FBLN1: variants seen among roughly 807,000 people sequenced by gnomAD.
FBLN1 encodes the protein fibulin 1.
Under a neutral mutation model 89.7 loss-of-function variants are expected in FBLN1, and 34 were observed. The observed-to-expected ratio is 0.38, with a 90% CI of 0.29 to 0.50. FBLN1 has a LOEUF of 0.50. Among genes scored for constraint, FBLN1 ranks in the 20% least tolerant of loss-of-function variants. The pLI is 0.92. For missense variants in FBLN1, 777 were observed against 988.1 expected (o/e 0.79, Z 2.86); for synonymous variants, 393 against 391.3 (o/e 1.00, Z -0.05).
chr22:45,524,048 C>T (rs1052250533), intron 2 of FBLN1, among the ~76,000 whole-genome samples: 1 of 152,260 alleles, frequency 6.6e-6, no homozygotes, highest in Non-Finnish European at 1.5e-5. Context: ...CCACCGAAAG[C>T]ATGAGTGAAA....
chr22:45,524,491 G>A (rs1237265575), intron 2 of FBLN1, among the ~76,000 whole-genome samples: 10 of 152,200 alleles, frequency 6.6e-5, no homozygotes, highest in Non-Finnish European at 1.3e-4. Flanking sequence ...TTTGCAGCTA[G>A]GTGCCACTGC....
Position 45,575,571 on chromosome 22 carries a change from C to T in FBLN1, c.1840+918C>T, listed in dbSNP as rs985295817. 7.9e-5 allele frequency among the ~76,000 whole-genome samples: 12 copies of T among 152,104 alleles called. No homozygotes were observed. Among genetic ancestry groups the T allele is most frequent in the African/African-American group, 2.9e-4 (12 of 41,398 alleles). On this transcript the variant is annotated intron_variant, in intron 15 of 16. Coordinates refer to ENST00000327858, the MANE Select transcript of FBLN1 (RefSeq NM_006486.3). The surrounding 1 kb of genome is among the most constrained non-coding windows in gnomAD (Gnocchi z 6.3). Reference sequence around the variant, plus strand: ...CATATAGAAACATCATCCTGTTGATCCAGGGCCAGGTGAACTGGAGGGGCC... The same window carrying T: ...CATATAGAAACATCATCCTGTTGATTCAGGGCCAGGTGAACTGGAGGGGCC...
chr22:45,598,621 C>A lies in FBLN1; in HGVS notation c.1973-1686C>A, dbSNP rs977507265. 6.6e-5 allele frequency among the ~76,000 whole-genome samples: 10 copies of A among 152,356 alleles called. No homozygotes were observed. In the East Asian group the frequency reaches 1.7e-3, roughly 26 times the overall value. On this transcript the variant is annotated intron_variant, in intron 16 of 16. Coordinates refer to ENST00000327858, the MANE Select transcript of FBLN1 (RefSeq NM_006486.3). Reference sequence around the variant, plus strand: ...TCGCCCCCGCTGGACAATGCACACCCTCCATCAGAGCGTGGTGCATACCTT... The same window carrying A: ...TCGCCCCCGCTGGACAATGCACACCATCCATCAGAGCGTGGTGCATACCTT...
chr22:45,521,424 C>A (rs151234853), intron 2 of FBLN1, among the ~76,000 whole-genome samples: 1 of 152,160 alleles, frequency 6.6e-6, no homozygotes, highest in Non-Finnish European at 1.5e-5. Context: ...TCCCAGTGGA[C>A]ACACAGGCCA....
intron 16 of FBLN1, among the ~76,000 whole-genome samples, chr22:45,585,061 A>C (rs1236162106): frequency 2.6e-5 from 4 of 152,228 alleles, no homozygotes; most frequent in African/African-American, 7.2e-5. Context: ...GAGTTCCCAC[A>C]GCTGAAAGTG....
chr22:45,596,819 TTATATA>T (rs2089191239), intron 16 of FBLN1, among the ~76,000 whole-genome samples: 1 of 126,162 alleles, frequency 7.9e-6, no homozygotes, highest in Non-Finnish European at 1.5e-5. Context: ...GTAAATATAA[TTATATA>T]ATAATTATAT....
intron 1 of FBLN1, among the ~76,000 whole-genome samples, chr22:45,507,753 C>T (rs2088042041): frequency 6.6e-6 from 1 of 152,174 alleles, no homozygotes; most frequent in South Asian, 2.1e-4. Context: ...GTCTTGAACT[C>T]CTGACCTCAA....
At position 45,588,989 on chromosome 22, in the gene FBLN1, C is replaced by A. The variant is rs1356246545; in HGVS notation, c.1973-11318C>A. ...ATTCCATCTGTGGCCAAGGCTATCA[C>A]AGTCCTCAAATTAACAGCAAACCCC... is the stretch of plus-strand genomic sequence containing the variant. On this transcript the variant is annotated intron_variant, in intron 16 of 16. Transcript: ENST00000327858. This position sits in a 1 kb window ranked among gnomAD's most constrained non-coding sequence, Gnocchi z 5.1. 6.6e-6 allele frequency among the ~76,000 whole-genome samples: 1 copy of A among 151,204 alleles called. No homozygotes were observed. The highest frequency in any genetic ancestry group is 2.4e-5 in the African/African-American group (1 of 41,234).
In FBLN1 at chr22:45,562,375, A is replaced by G. The variant is rs1243658956; in HGVS notation, c.1697+11760A>G. Among the ~76,000 whole-genome samples the G allele has an allele frequency of 2.0e-5, 3 of 152,218 alleles. No homozygotes were observed. The highest frequency in any genetic ancestry group is 2.9e-5 in the Non-Finnish European group (2 of 68,040). ...GAAGGCCACATTCTCTCTGAGCCTC[A>G]GTGTCCTCATGTGAAAAATATCACC... is the stretch of plus-strand genomic sequence containing the variant. On this transcript the variant is annotated intron_variant, in intron 14 of 16. Coordinates refer to ENST00000327858, the MANE Select transcript of FBLN1 (RefSeq NM_006486.3). The surrounding 1 kb of genome is among the most constrained non-coding windows in gnomAD (Gnocchi z 7.8).
intron 8 of FBLN1, among the ~76,000 whole-genome samples, chr22:45,538,148 G>A (rs922649171): frequency 6.6e-6 from 1 of 152,222 alleles, no homozygotes; most frequent in Non-Finnish European, 1.5e-5. Context: ...GCTGTTCCGT[G>A]CCATCTCCCT....
chr22:45,503,246 A>T, intron 1 of FBLN1, 182 bp downstream of exon 1: 1 of 337,828 alleles, frequency 3.0e-6, no homozygotes. Context: ...TCCGGTCCTC[A>T]TCTCCTCCCC....
rs2088982628 is a variant in FBLN1 at position 45,574,910 on chromosome 22, T to C, written c.1840+257T>C. On this transcript the variant is annotated intron_variant, in intron 15 of 16. Transcript: ENST00000327858. The surrounding 1 kb of genome is among the most constrained non-coding windows in gnomAD (Gnocchi z 4.1). ...CATTCTCCTGCCTCAGCCTTCCGAG[T>C]AGCTGGGACTACAGGCGCCCGCCAC... Among the ~76,000 whole-genome samples the C allele has an allele frequency of 6.6e-6, 1 of 151,196 alleles. No homozygotes were observed. Among genetic ancestry groups the C allele is most frequent in the Non-Finnish European group, 1.5e-5 (1 of 67,928 alleles).
chr22:45,503,302 A>G (rs1188051811), intron 1 of FBLN1: 2 of 272,694 alleles, frequency 7.3e-6, no homozygotes, highest in Non-Finnish European at 6.8e-6. Context: ...CCCCTCAAAC[A>G]CACCGTCCTA....
chr22:45,588,135 G>A lies in FBLN1; in HGVS notation c.1972+11027G>A, dbSNP rs975884193. ...TGAGGGCTGTGCAGAGCAGGGGAGG[G>A]GAGTGGGAGGCGGGGTGCAGCATGG... On this transcript the variant is annotated intron_variant, in intron 16 of 16. Coordinates refer to ENST00000327858, the MANE Select transcript of FBLN1 (RefSeq NM_006486.3). This position sits in a 1 kb window ranked among gnomAD's most constrained non-coding sequence, Gnocchi z 5.1. 6.6e-6 allele frequency among the ~76,000 whole-genome samples: 1 copy of A among 152,212 alleles called. No homozygotes were observed. The highest frequency in any genetic ancestry group is 2.4e-5 in the African/African-American group (1 of 41,456).
chr22:45,533,009 A>T, intron 5 of FBLN1, 54 bp from the exon 6 acceptor site: 1 of 1,524,378 alleles, frequency 6.6e-7, no homozygotes, highest in Non-Finnish European at 9.1e-7. Flanking sequence ...GGAGCTAGAA[A>T]CCAGGCGGTG....
At chr22:45,525,191 GA>G (rs2088307528) in intron 2 of FBLN1, among the ~76,000 whole-genome samples, 1 of 142,924 alleles carries the variant, frequency 7.0e-6, no homozygotes, top group East Asian at 2.7e-4. Flanking sequence ...GAGAGAGAGA[GA>G]GAGAAAGAGA....
chr22:45,523,252 G>C (rs1435521911), intron 2 of FBLN1: 2 of 731,304 alleles, frequency 2.7e-6, no homozygotes. Flanking sequence ...GCCAGCAACG[G>C]CCAGTCCCAG....
intron 14 of FBLN1, among the ~76,000 whole-genome samples, chr22:45,553,386 A>AG (rs1339934723): frequency 4.0e-5 from 6 of 151,776 alleles, no homozygotes; most frequent in South Asian, 4.2e-4. Context: ...CCTGCGTGGC[A>AG]GGGGGGGACG....
Position 45,550,925 on chromosome 22 carries a change from TG to T in FBLN1, c.1697+313del. On this transcript the variant is annotated intron_variant, in intron 14 of 16. Transcript: ENST00000327858. This position sits in a 1 kb window ranked among gnomAD's most constrained non-coding sequence, Gnocchi z 8.4. ...GGGTGGAAGCCTTGGGCAAGCTCTC[TG>T]GGCCTCAGTTTCCTCATCTGTAACA... The T allele has an allele frequency of 8.9e-6, 4 of 451,962 alleles. No individual in the cohort carries two copies. Among genetic ancestry groups the T allele is most frequent in the Non-Finnish European group, 1.6e-5 (4 of 243,284 alleles). The allele number at this position is 451,962 out of a possible 1,614,324, so 28.0% of individuals were successfully genotyped here. A position where few individuals can be genotyped will look rare whatever the true frequency, so the allele number is the denominator to read the frequency against.
Sources: allele counts gnomAD v4.1 joint callset (sites outside exome capture counted in the v4.1 genomes callset), GRCh38; gene constraint gnomAD v4.1.1; non-coding constraint Gnocchi (gnomAD v3.1); transcripts MANE v1.5; gene names NCBI Gene and HGNC (gene_info 2026-07-23, HGNC 2026-07-21).